The following MTBP variants were observed in gnomAD, a reference collection of about 807,000 sequenced individuals.
MTBP encodes MDM2 binding protein.
In MTBP, 101 loss-of-function variants were observed where a neutral mutation model predicts 117.0. That is an observed-to-expected ratio of 0.86 (90% CI 0.73 to 1.02). MTBP has a LOEUF of 1.02. Among genes scored for constraint, MTBP ranks in the 50% least tolerant of loss-of-function variants. The pLI, the probability that MTBP is intolerant of heterozygous loss-of-function variation, is 0.00. For synonymous variants in MTBP, 350 were observed against 351.5 expected, an observed-to-expected ratio of 1.00 and a Z score of 0.05; for missense variants, 970 against 1,030.9, an observed-to-expected ratio of 0.94 and a Z score of 0.81.
chr8:120,476,434 G>C lies in MTBP; in HGVS notation c.1165+5497G>C, dbSNP rs191653181. On this transcript the variant is annotated intron_variant, in intron 11 of 21. Transcript: ENST00000305949. ...AATCAGGCAAGAGAAAGAAATAAAGGGTATTCAGATAGGAAGAGAGGAAGT... is the reference window on the plus strand; with the variant it reads ...AATCAGGCAAGAGAAAGAAATAAAGCGTATTCAGATAGGAAGAGAGGAAGT... 1.1e-3 allele frequency among the ~76,000 whole-genome samples: 149 copies of C among 131,534 alleles called. 1 individual carries two copies. The highest frequency in any genetic ancestry group is 7.0e-3 in the South Asian group (32 of 4,542). 86.3% of individuals were successfully genotyped at this position (131,534 alleles called of 152,430 possible).
At chr8:120,522,167 TG>T (rs1563808399) in intron 20 of MTBP, among the ~76,000 whole-genome samples, 2 of 538 alleles carry the variant, frequency 3.7e-3, no homozygotes, top group Non-Finnish European at 5.3e-3. Context: ...CGGTGGAGGG[TG>T]GGAGAGTAAT....
intron 12 of MTBP, 59 bp downstream of exon 12, chr8:120,488,391 T>C (rs1313521404): frequency 7.7e-7 from 1 of 1,292,344 alleles, no homozygotes; most frequent in Non-Finnish European, 1.0e-6. Context: ...GTGGTTAGCA[T>C]ATGTGGCTTT....
At chr8:120,489,860 A>T (rs1182526865) in intron 12 of MTBP, among the ~76,000 whole-genome samples, 2 of 152,156 alleles carry the variant, frequency 1.3e-5, no homozygotes, top group East Asian at 3.9e-4. Context: ...GGGCCATGTG[A>T]CTCATTGGGC....
Position 120,455,571 on chromosome 8 carries a change from T to C in MTBP, c.621T>C (p.His207=), listed in dbSNP as rs1315826695. Residue 207 remains histidine (H), a synonymous_variant, in exon 6 of 22, where the codon CAT becomes CAC. Transcript: ENST00000305949. The stretch of plus-strand genomic sequence containing the variant: ...CAAAGATCACTATAGCAGGAAATCA[T>C]TGTGAAATGTAAGCTTCTTTGTTCA... ...YSAKITIAGN[H]CEINCQKIAE... 20 of 1,608,204 alleles carry C rather than the reference T, an allele frequency of 1.2e-5. No homozygotes were observed. Among genetic ancestry groups the C allele is most frequent in the Admixed American group, 1.7e-5 (1 of 59,930 alleles).
intron 11 of MTBP, among the ~76,000 whole-genome samples, chr8:120,480,188 C>A (rs1814044739): frequency 6.7e-6 from 1 of 148,470 alleles, no homozygotes; most frequent in African/African-American, 2.5e-5. Flanking sequence ...TGACAAACTG[C>A]AGGAGTTCAA....
intron 13 of MTBP, 76 bp downstream of exon 13, chr8:120,490,646 C>A: frequency 1.2e-6 from 1 of 848,478 alleles, no homozygotes; most frequent in Non-Finnish European, 1.8e-6. Context: ...TTTATTTGCA[C>A]ACTTTTTCAT....
intron 13 of MTBP, among the ~76,000 whole-genome samples, chr8:120,495,287 C>T (rs970005711): frequency 7.9e-5 from 12 of 152,098 alleles, no homozygotes; most frequent in Admixed American, 5.2e-4. Context: ...GTTTCTGTTG[C>T]GAAGTCAAAT....
intron 10 of MTBP, 22 bp downstream of exon 10, chr8:120,463,783 T>A (rs575004122): frequency 1.2e-6 from 2 of 1,601,740 alleles, no homozygotes; most frequent in Admixed American, 3.4e-5. Context: ...TTCTTGGGGG[T>A]TTTTTGTTTG....
At chr8:120,481,600 CAGA>C (rs745476065) in intron 11 of MTBP, among the ~76,000 whole-genome samples, 19 of 152,100 alleles carry the variant, frequency 1.2e-4, no homozygotes, top group Non-Finnish European at 2.6e-4. Context: ...CTTCAAAAGG[CAGA>C]AGGAGACAGA....
chr8:120,505,860 T>G (rs554007084), intron 15 of MTBP, among the ~76,000 whole-genome samples: 1 of 152,242 alleles, frequency 6.6e-6, no homozygotes, highest in East Asian at 1.9e-4. Flanking sequence ...TATAGGGTCA[T>G]AGAGTAGAAA....
chr8:120,519,860 C>T (rs987254423), intron 20 of MTBP, among the ~76,000 whole-genome samples: 5 of 152,146 alleles, frequency 3.3e-5, no homozygotes, highest in Non-Finnish European at 5.9e-5. Flanking sequence ...GATTGTCCAA[C>T]TTGCTTTGCA....
chr8:120,518,183 A>G (rs1814954050), intron 19 of MTBP, 83 bp downstream of exon 19: 18 of 1,399,696 alleles, frequency 1.3e-5, no homozygotes, highest in Non-Finnish European at 1.7e-5. Context: ...TGTCTAAAAA[A>G]TTTTATGAAT....
chr8:120,482,494 C>A (rs913921321), intron 11 of MTBP, among the ~76,000 whole-genome samples: 4 of 152,008 alleles, frequency 2.6e-5, no homozygotes, highest in African/African-American at 9.7e-5. Flanking sequence ...CTGGAAATAT[C>A]TTCTGAATGG....
intron 14 of MTBP, among the ~76,000 whole-genome samples, chr8:120,499,649 A>G (rs1160247313): frequency 6.6e-6 from 1 of 152,228 alleles, no homozygotes; most frequent in East Asian, 1.9e-4. Context: ...GCAAGCATGC[A>G]TATTAGGAGT....
intron 4 of MTBP, 21 bp downstream of exon 4, chr8:120,451,343 T>C (rs1191489135): frequency 6.3e-7 from 1 of 1,574,928 alleles, no homozygotes; most frequent in Non-Finnish European, 8.7e-7. Context: ...ATGGTTTTTG[T>C]ATTATCATTA....
At chr8:120,511,119 G>A (rs1183063659) in intron 17 of MTBP, among the ~76,000 whole-genome samples, 1 of 152,074 alleles carries the variant, frequency 6.6e-6, no homozygotes, top group African/African-American at 2.4e-5. Flanking sequence ...TATGCCACCC[G>A]ATCCATGTTT....
chr8:120,509,870 T>C, intron 16 of MTBP, 64 bp from the exon 17 acceptor site: 1 of 1,147,202 alleles, frequency 8.7e-7, no homozygotes, highest in Non-Finnish European at 1.3e-6. Context: ...ATTAGATACT[T>C]TCTTTAACTT....
chr8:120,492,018 T>A (rs370788274), intron 13 of MTBP, among the ~76,000 whole-genome samples: 1 of 151,820 alleles, frequency 6.6e-6, no homozygotes, highest in African/African-American at 2.4e-5. Context: ...ATAAAAAAAA[T>A]TAAAAAAATA....
chr8:120,505,248 G>A (rs1178992824), intron 15 of MTBP, among the ~76,000 whole-genome samples: 5 of 152,048 alleles, frequency 3.3e-5, no homozygotes, highest in Admixed American at 1.3e-4. Context: ...AGGGAGAGCC[G>A]GGGTAGAGAA....
Sources: gnomAD v4.1 joint callset for allele counts (sites outside exome capture counted in the v4.1 genomes callset) on GRCh38, gnomAD v4.1.1 for gene constraint, MANE v1.5 for transcripts, NCBI Gene and HGNC (gene_info 2026-07-23, HGNC 2026-07-21) for gene names.